The following RFX3 variants were observed in gnomAD, a reference collection of about 807,000 sequenced individuals.
The protein encoded by RFX3 is transcription factor RFX3.
In RFX3, 14 loss-of-function variants were observed where a neutral mutation model predicts 98.6. That is an observed-to-expected ratio of 0.14 (90% confidence interval 0.09 to 0.22). The LOEUF is 0.22. Among genes scored for constraint, RFX3 ranks in the 10% least tolerant of loss-of-function variants. The probability of loss-of-function intolerance (pLI) is 1.00; values close to 1 mark genes in which losing one functional copy is unlikely to be tolerated. For synonymous variants in RFX3, 383 were observed against 328.4 expected (o/e 1.17, Z -1.80); for missense variants, 639 against 926.9 (o/e 0.69, Z 4.03).
chr9:3,246,737 T>C (rs556125669), intron 15 of RFX3, among the ~76,000 whole-genome samples: 2 of 152,176 alleles, frequency 1.3e-5, no homozygotes, highest in Non-Finnish European at 2.9e-5. Context: ...GTCCAGATTG[T>C]TTTGGTCACA....
chr9:3,463,746 GGATCGTTT>G (rs1297828574), intron 1 of RFX3, among the ~76,000 whole-genome samples: 9 of 152,034 alleles, frequency 5.9e-5, no homozygotes, highest in Non-Finnish European at 1.3e-4. Context: ...CATGGCAGGA[GGATCGTTT>G]GAGCCTAGGA....
intron 9 of RFX3, among the ~76,000 whole-genome samples, chr9:3,272,292 G>A (rs1175782328): frequency 6.6e-6 from 1 of 152,112 alleles, no homozygotes; most frequent in African/African-American, 2.4e-5. Context: ...TATAAAATTC[G>A]TGGAAGATAA....
intron 2 of RFX3, among the ~76,000 whole-genome samples, chr9:3,384,542 G>A (rs1839506151): frequency 6.6e-6 from 1 of 152,130 alleles, no homozygotes; most frequent in Non-Finnish European, 1.5e-5. Context: ...TTTTAAGCTT[G>A]AGAAATAATG....
chr9:3,305,637 G>C (rs1829205544), intron 4 of RFX3, among the ~76,000 whole-genome samples: 1 of 151,936 alleles, frequency 6.6e-6, no homozygotes, highest in Admixed American at 6.6e-5. Flanking sequence ...ATTCCAAATG[G>C]ATTACTAATG....
rs1817451481 is a variant in RFX3 at position 3,223,307 on chromosome 9, G to C, written c.*1735C>G. 1 of 152,114 alleles carries C rather than the reference G, an allele frequency of 6.6e-6. No homozygotes were observed. The highest frequency in any genetic ancestry group is 2.4e-5 in the African/African-American group (1 of 41,428). The allele number at this position is 152,114 out of a possible 1,614,324, so 9.4% of individuals were successfully genotyped here. ...GGCTTTTCATGCAAATTAAAATGGG[G>C]CTGGGTGTAACTCTCTAGGATCTCA... On this transcript the variant is annotated 3_prime_UTR_variant, in exon 17 of 17. Coordinates refer to ENST00000617270, the MANE Select transcript of RFX3 (RefSeq NM_001282116.2).
chr9:3,387,855 A>C (rs980056295), intron 2 of RFX3, among the ~76,000 whole-genome samples: 1 of 152,130 alleles, frequency 6.6e-6, no homozygotes, highest in Non-Finnish European at 1.5e-5. Context: ...ATGTCCATCA[A>C]TGCTAGGATT....
intron 14 of RFX3, among the ~76,000 whole-genome samples, chr9:3,256,567 G>GCTA (rs1373253289): frequency 2.0e-5 from 3 of 152,160 alleles, no homozygotes; most frequent in Admixed American, 6.5e-5. Context: ...TGATAGTGGT[G>GCTA]CTACTGGTTT....
intron 1 of RFX3, among the ~76,000 whole-genome samples, chr9:3,406,386 C>A (rs1361175948): frequency 6.6e-6 from 1 of 151,938 alleles, no homozygotes; most frequent in Non-Finnish European, 1.5e-5. Flanking sequence ...GATAGCTTCC[C>A]AAACAACCAC....
At chr9:3,430,182 G>C (rs994274759) in intron 1 of RFX3, among the ~76,000 whole-genome samples, 1 of 152,158 alleles carries the variant, frequency 6.6e-6, no homozygotes, top group African/African-American at 2.4e-5. Flanking sequence ...ACTTTCAAAA[G>C]AAATCTTACA....
intron 1 of RFX3, among the ~76,000 whole-genome samples, chr9:3,511,364 G>C (rs1237932463): frequency 1.3e-5 from 2 of 151,024 alleles, no homozygotes; most frequent in Admixed American, 1.3e-4. Context: ...TTTTTTTTTG[G>C]CTATAGATTT....
chr9:3,392,902 T>A (rs929109472), intron 2 of RFX3, among the ~76,000 whole-genome samples: 2 of 152,116 alleles, frequency 1.3e-5, no homozygotes, highest in African/African-American at 4.8e-5. Flanking sequence ...TTGAAAAGCA[T>A]TTATATATCA....
chr9:3,455,710 C>T (rs144761535), intron 1 of RFX3, among the ~76,000 whole-genome samples: 31 of 152,296 alleles, frequency 2.0e-4, no homozygotes, highest in African/African-American at 7.5e-4. Flanking sequence ...AATTTCTCTA[C>T]ACTACACACA....
chr9:3,511,302 G>A (rs1817642633), intron 1 of RFX3, among the ~76,000 whole-genome samples: 1 of 151,866 alleles, frequency 6.6e-6, no homozygotes, highest in Non-Finnish European at 1.5e-5. Flanking sequence ...ATACTAGTCT[G>A]CTCATTATAG....
At chr9:3,369,144 G>C (rs1043128790) in intron 2 of RFX3, among the ~76,000 whole-genome samples, 1 of 152,204 alleles carries the variant, frequency 6.6e-6, no homozygotes, top group African/African-American at 2.4e-5. Flanking sequence ...GGAACTATTC[G>C]TTTTAGTCCG....
Position 3,449,381 on chromosome 9 carries a change from G to C in RFX3, c.-8-53785C>G, listed in dbSNP as rs1846356122. 2.0e-5 allele frequency among the ~76,000 whole-genome samples: 3 copies of C among 152,188 alleles called. No homozygotes were observed. In the South Asian group the frequency reaches 6.2e-4, roughly 32 times the overall value. On this transcript the variant is annotated intron_variant, in intron 1 of 16. Transcript: ENST00000617270. ...TCTCTGCCTCACACAGTTTTTCTAT[G>C]CACTAGTCATGTTTGCTTATTTATT...
intron 1 of RFX3, among the ~76,000 whole-genome samples, chr9:3,458,247 T>A (rs979482529): frequency 1.3e-5 from 2 of 152,012 alleles, no homozygotes; most frequent in African/African-American, 4.8e-5. Context: ...ATAGAATAAA[T>A]AAAATGAAGC....
At chr9:3,281,044 T>A (rs960028335) in intron 7 of RFX3, among the ~76,000 whole-genome samples, 2 of 151,854 alleles carry the variant, frequency 1.3e-5, no homozygotes, top group Non-Finnish European at 2.9e-5. Flanking sequence ...TGATTTTGTA[T>A]ATATATCAAA....
chr9:3,516,509 T>C (rs561344634), intron 1 of RFX3, among the ~76,000 whole-genome samples: 1 of 152,292 alleles, frequency 6.6e-6, no homozygotes, highest in South Asian at 2.1e-4. Flanking sequence ...ATGAGACTAG[T>C]GTGGAGGATA....
intron 1 of RFX3, among the ~76,000 whole-genome samples, chr9:3,476,787 T>C (rs1219074566): frequency 6.6e-6 from 1 of 152,212 alleles, no homozygotes; most frequent in Non-Finnish European, 1.5e-5. Context: ...AGGGAAGTTT[T>C]TGAAAGAAGG....
Sources: allele counts gnomAD v4.1 joint callset (sites outside exome capture counted in the v4.1 genomes callset), GRCh38; gene constraint gnomAD v4.1.1; transcripts MANE v1.5; gene names NCBI Gene and HGNC (gene_info 2026-07-23, HGNC 2026-07-21).